Variants in ARMC2 observed in about 807,000 individuals in gnomAD.
ARMC2 encodes the protein armadillo repeat-containing protein 2.
In ARMC2, 67 loss-of-function variants were observed where a neutral mutation model predicts 90.3. The ratio of observed to expected loss-of-function variants is 0.74; its 90% CI spans 0.61 to 0.91. The LOEUF (loss-of-function observed/expected upper bound fraction) is 0.91, where lower values mean the gene tolerates loss of function less well. Ranked by LOEUF, ARMC2 falls within the 40% of genes least tolerant of loss-of-function variation. ARMC2 has a pLI of 0.00. For synonymous variants in ARMC2, 393 were observed against 393.0 expected (o/e 1.00, Z 0.00); for missense variants, 920 against 1,030.9 (o/e 0.89, Z 1.47).
At chr6:108,978,875 T>G (rs1172741525), downstream of ARMC2, among the ~76,000 whole-genome samples, 1 of 152,188 alleles carries the variant, frequency 6.6e-6, no homozygotes, top group Non-Finnish European at 1.5e-5. Context: ...CCCTTTATTT[T>G]GAGCCTGTGT....
At chr6:108,956,355 G>A (rs925402623) in intron 13 of ARMC2, among the ~76,000 whole-genome samples, 15 of 152,080 alleles carry the variant, frequency 9.9e-5, no homozygotes, top group Non-Finnish European at 2.1e-4. Context: ...AAGGAAGAGT[G>A]AATAACTTGC....
intron 3 of ARMC2, among the ~76,000 whole-genome samples, chr6:108,863,329 C>T (rs541890489): frequency 6.6e-6 from 1 of 152,154 alleles, no homozygotes; most frequent in Non-Finnish European, 1.5e-5. Flanking sequence ...GTGATCCCCC[C>T]ACCTTGGCCT....
chr6:109,005,073 T>G, the ARMC2 span, among the ~76,000 whole-genome samples: 1 of 152,206 alleles, frequency 6.6e-6, no homozygotes, highest in African/African-American at 2.4e-5. Flanking sequence ...CCATCCTAAG[T>G]GTTAACCTAC....
chr6:108,890,239 CT>C (rs1770867797), intron 5 of ARMC2, among the ~76,000 whole-genome samples: 1 of 115,424 alleles, frequency 8.7e-6, no homozygotes, highest in Non-Finnish European at 1.8e-5. Context: ...ACAGTGGTTT[CT>C]TAGTTCCTCA....
rs9480895 is a variant in ARMC2 at position 108,938,379 on chromosome 6, G to A, written c.1596+1380G>A. Among the ~76,000 whole-genome samples the A allele has an allele frequency of 7.9e-3, 1,186 of 149,748 alleles. 12 individuals are homozygous for A. Among genetic ancestry groups the A allele is most frequent in the African/African-American group, 0.028 (1,127 of 40,734 alleles). On this transcript the variant is annotated intron_variant, in intron 12 of 17. Coordinates refer to ENST00000392644, the MANE Select transcript of ARMC2 (RefSeq NM_032131.6). ...TTTAACCCCAGCTTTAGCCTCCCAA[G>A]TAGGGATTACAGGCATGTGCCACCA... is the stretch of plus-strand genomic sequence containing the variant.
the ARMC2 span, among the ~76,000 whole-genome samples, chr6:109,026,392 TA>T: frequency 6.6e-6 from 1 of 152,254 alleles, no homozygotes; most frequent in Admixed American, 6.5e-5. Context: ...AATTCTCACC[TA>T]CCCAGAATAG....
At chr6:108,940,930 A>G (rs1271278833) in intron 12 of ARMC2, among the ~76,000 whole-genome samples, 1 of 152,108 alleles carries the variant, frequency 6.6e-6, no homozygotes, top group African/African-American at 2.4e-5. Flanking sequence ...TCAGAGAGAG[A>G]GAGAAGACTG....
At chr6:109,036,901 A>G in the ARMC2 span, among the ~76,000 whole-genome samples, 1 of 152,224 alleles carries the variant, frequency 6.6e-6, no homozygotes, top group Non-Finnish European at 1.5e-5. Flanking sequence ...AGAGACAAAT[A>G]GGCATACTGC....
At chr6:108,985,755 A>G in the ARMC2 span, among the ~76,000 whole-genome samples, 1 of 152,170 alleles carries the variant, frequency 6.6e-6, no homozygotes, top group Non-Finnish European at 1.5e-5. Flanking sequence ...TAAAATTTTA[A>G]CTATCTTCTT....
At chr6:109,043,837 T>C in the ARMC2 span, among the ~76,000 whole-genome samples, 1 of 152,134 alleles carries the variant, frequency 6.6e-6, no homozygotes, top group South Asian at 2.1e-4. Context: ...GTCAACAAAC[T>C]GATTCAAAAT....
intron 17 of ARMC2, among the ~76,000 whole-genome samples, chr6:108,969,094 A>T (rs1778578858): frequency 6.6e-6 from 1 of 152,206 alleles, no homozygotes. Flanking sequence ...TGGGAAGTAC[A>T]CTAGGCTGTT....
chr6:108,907,724 T>G, intron 8 of ARMC2: 1 of 1,609,950 alleles, frequency 6.2e-7, no homozygotes, highest in Middle Eastern at 2.3e-4. Flanking sequence ...CTTCTTCACA[T>G]TGATGTACTT....
intron 11 of ARMC2, among the ~76,000 whole-genome samples, chr6:108,931,827 G>A (rs1410970164): frequency 6.6e-6 from 1 of 151,328 alleles, no homozygotes; most frequent in Non-Finnish European, 1.5e-5. Flanking sequence ...GCAATGGCAT[G>A]ATCTCGGCTC....
chr6:108,894,335 C>G, intron 5 of ARMC2, 132 bp from the exon 6 acceptor site: 2 of 751,972 alleles, frequency 2.7e-6, no homozygotes, highest in Non-Finnish European at 4.0e-6. Flanking sequence ...CACCACTGTT[C>G]TCTAGCCTGG....
At chr6:109,017,728 G>A in the ARMC2 span, among the ~76,000 whole-genome samples, 3 of 151,974 alleles carry the variant, frequency 2.0e-5, no homozygotes, top group African/African-American at 7.3e-5. Flanking sequence ...TTAAATAGAG[G>A]GTCATCTAGT....
At chr6:108,953,410 A>G (rs1023894492) in intron 13 of ARMC2, 59 bp downstream of exon 13, 2 of 1,498,792 alleles carry the variant, frequency 1.3e-6, no homozygotes, top group African/African-American at 2.8e-5. Flanking sequence ...CGGCCCAAAG[A>G]CAGTTCTGTG....
downstream of ARMC2, among the ~76,000 whole-genome samples, chr6:108,974,832 T>A (rs1270197594): frequency 6.6e-6 from 1 of 152,122 alleles, no homozygotes; most frequent in East Asian, 1.9e-4. Flanking sequence ...CCCAACACTC[T>A]GGGAGGCCGA....
At chr6:108,919,385 C>T (rs1774314282) in intron 10 of ARMC2, among the ~76,000 whole-genome samples, 1 of 152,136 alleles carries the variant, frequency 6.6e-6, no homozygotes, top group African/African-American at 2.4e-5. Flanking sequence ...ACTCTTCAGA[C>T]TGTGCAATCA....
chr6:108,853,679 G>A (rs943077666), intron 1 of ARMC2, among the ~76,000 whole-genome samples: 2 of 152,048 alleles, frequency 1.3e-5, no homozygotes, highest in African/African-American at 4.8e-5. Flanking sequence ...TTGATATTTG[G>A]TATTTATTTA....
Sources: gnomAD v4.1 joint callset for allele counts (sites outside exome capture counted in the v4.1 genomes callset) on GRCh38, gnomAD v4.1.1 for gene constraint, MANE v1.5 for transcripts, NCBI Gene and HGNC (gene_info 2026-07-23, HGNC 2026-07-21) for gene names.